The following AFF2 variants were observed in gnomAD, a reference collection of about 807,000 sequenced individuals.
The protein encoded by AFF2 is ALF transcription elongation factor 2, also known as AF4/FMR2 family member 2.
AFF2 carries 14 observed loss-of-function variants against 76.9 expected under a neutral mutation model. The observed-to-expected ratio is 0.18, with a 90% confidence interval of 0.12 to 0.28. The LOEUF is 0.28. AFF2 is among the 10% of genes least tolerant of loss of function. The pLI is 1.00. For synonymous variants in AFF2, 398 were observed against 366.7 expected, an observed-to-expected ratio of 1.09 and a Z score of -0.98; for missense variants, 868 against 1,001.1, an observed-to-expected ratio of 0.87 and a Z score of 1.79.
At chrX:148,780,010 T>C (rs1162016784) in intron 3 of AFF2, among the ~76,000 whole-genome samples, 1 of 112,208 alleles carries the variant, frequency 8.9e-6, no homozygotes. Context: ...TTATGAAGCT[T>C]AGTTTGGCTG....
intron 1 of AFF2, among the ~76,000 whole-genome samples, chrX:148,630,256 G>C (rs2053967007): frequency 8.9e-6 from 1 of 111,732 alleles, no homozygotes; most frequent in Non-Finnish European, 1.9e-5. Context: ...CCATTTCCCA[G>C]GGGGCATTAA....
chrX:148,501,745 T>A (rs2052355294), intron 1 of AFF2, among the ~76,000 whole-genome samples: 1 of 113,367 alleles, frequency 8.8e-6, no homozygotes, highest in Non-Finnish European at 1.9e-5. Context: ...GGGACCTTGG[T>A]TCGAGGCCGA....
intron 13 of AFF2, among the ~76,000 whole-genome samples, chrX:148,964,366 G>A (rs1165440112): frequency 8.9e-6 from 1 of 112,363 alleles, no homozygotes; most frequent in Non-Finnish European, 1.9e-5. Flanking sequence ...TTTTCCTGGT[G>A]GAGGAGGCGT....
chrX:148,573,412 C>T (rs1557242830), intron 1 of AFF2, among the ~76,000 whole-genome samples: 1 of 111,051 alleles, frequency 9.0e-6, no homozygotes, highest in East Asian at 2.9e-4. Flanking sequence ...GGAATTTGAA[C>T]TTCTAGACCA....
chrX:148,812,480 C>T (rs2124642589), intron 4 of AFF2, among the ~76,000 whole-genome samples: 1 of 111,199 alleles, frequency 9.0e-6, no homozygotes, highest in Non-Finnish European at 1.9e-5. Flanking sequence ...TCAGTTTCTT[C>T]ATCTAGAAGC....
At chrX:148,592,791 G>C (rs1455477632) in intron 1 of AFF2, among the ~76,000 whole-genome samples, 1 of 111,889 alleles carries the variant, frequency 8.9e-6, no homozygotes, top group Non-Finnish European at 1.9e-5. Context: ...ATGGAGCTCA[G>C]CTAAGTGCCT....
At chrX:148,758,522 G>A (rs782213150) in intron 3 of AFF2, among the ~76,000 whole-genome samples, 1 of 111,532 alleles carries the variant, frequency 9.0e-6, no homozygotes, top group African/African-American at 3.3e-5. Flanking sequence ...TAGATAGCTC[G>A]GTGATATCTA....
chrX:148,964,620 G>A (rs1419731366), intron 13 of AFF2, among the ~76,000 whole-genome samples: 1 of 111,708 alleles, frequency 9.0e-6, no homozygotes, highest in African/African-American at 3.3e-5. Context: ...TAGAATGGGG[G>A]TTGCAAGCGC....
chrX:148,735,899 A>G (rs1445392670), intron 3 of AFF2, among the ~76,000 whole-genome samples: 1 of 112,037 alleles, frequency 8.9e-6, no homozygotes, highest in Non-Finnish European at 1.9e-5. Context: ...TACTTCACTT[A>G]GAATAATAGT....
At chrX:148,897,278 TGA>T (rs1569556780) in intron 8 of AFF2, among the ~76,000 whole-genome samples, 46 of 40,513 alleles carry the variant, frequency 1.1e-3, no homozygotes, top group Non-Finnish European at 1.7e-3. Context: ...TATATGTATA[TGA>T]AAAATATATA....
chrX:148,671,266 GTCA>G (rs1232392731), intron 3 of AFF2, among the ~76,000 whole-genome samples: 8 of 111,662 alleles, frequency 7.2e-5, no homozygotes, highest in Non-Finnish European at 1.1e-4. Context: ...ACACATTTCT[GTCA>G]TCATTATTAA....
intron 3 of AFF2, among the ~76,000 whole-genome samples, chrX:148,663,053 G>A (rs1341774691): frequency 6.2e-5 from 7 of 112,348 alleles, no homozygotes; most frequent in Admixed American, 1.9e-4. Context: ...AAATACAGTT[G>A]TGGTAATACT....
intron 1 of AFF2, among the ~76,000 whole-genome samples, chrX:148,570,132 CCAAA>C (rs541014839): frequency 1.8e-5 from 2 of 112,017 alleles, no homozygotes; most frequent in African/African-American, 6.5e-5. Context: ...TCTGTAATCT[CCAAA>C]CAGTCATTGT....
chrX:148,705,003 G>A lies in AFF2; in HGVS notation c.1041+42235G>A, dbSNP rs148036819. Among the ~76,000 whole-genome samples the A allele has an allele frequency of 1.5e-3, 170 of 110,889 alleles. 3 individuals are homozygous for A. In the East Asian group the frequency reaches 0.042, roughly 28 times the overall value. The stretch of plus-strand genomic sequence containing the variant: ...TTATAACATAATTTGTTTCACACAG[G>A]CACCCAAGTTCAAAACCCTACCTTC... On this transcript the variant is annotated intron_variant, in intron 3 of 20. Coordinates refer to ENST00000370460, the MANE Select transcript of AFF2 (RefSeq NM_002025.4).
rs782418975 is a variant in AFF2, at chrX:148,962,878, A to G, written c.2854A>G (p.Thr952Ala). 8.3e-7 allele frequency: 1 copy of G among 1,208,857 alleles called. No individual in the cohort carries two copies. The highest frequency in any genetic ancestry group is 1.1e-6 in the Non-Finnish European group (1 of 894,091). The change falls in exon 13 of 21, where the codon ACC (threonine) becomes GCC (alanine). Residue 952 changes from threonine (T) to alanine (A), a missense_variant. Coordinates refer to ENST00000370460, the MANE Select transcript of AFF2 (RefSeq NM_002025.4). ...NIAMTGQITS[T>A]KPKRTEGKFC... ...CGCCATGACTGGACAAATCACATCT[A>G]CCAAACCTAAGAGAACTGAAGGCAA...
chrX:148,696,173 T>C (rs1244320994), intron 3 of AFF2, among the ~76,000 whole-genome samples: 1 of 111,249 alleles, frequency 9.0e-6, no homozygotes, highest in Non-Finnish European at 1.9e-5. Flanking sequence ...TGGTGCTGAC[T>C]TCTGTTTCAG....
intron 1 of AFF2, among the ~76,000 whole-genome samples, chrX:148,615,498 C>T (rs1311765526): frequency 9.0e-6 from 1 of 111,605 alleles, no homozygotes; most frequent in Non-Finnish European, 1.9e-5. Flanking sequence ...TTCTGATTTT[C>T]CCATCTCTTT....
chrX:148,687,728 C>T (rs1469776194), intron 3 of AFF2, among the ~76,000 whole-genome samples: 1 of 109,933 alleles, frequency 9.1e-6, no homozygotes, highest in Non-Finnish European at 1.9e-5. Flanking sequence ...GGAGGTGTGT[C>T]GCTTTGTTTA....
chrX:148,681,281 G>A (rs1027762902), intron 3 of AFF2, among the ~76,000 whole-genome samples: 1 of 111,712 alleles, frequency 9.0e-6, no homozygotes, highest in African/African-American at 3.3e-5. Context: ...ATACCTTGGG[G>A]CTGCTTATGT....
Sources: allele counts gnomAD v4.1 joint callset (sites outside exome capture counted in the v4.1 genomes callset), GRCh38; gene constraint gnomAD v4.1.1; transcripts MANE v1.5; gene names NCBI Gene and HGNC (gene_info 2026-07-23, HGNC 2026-07-21).